GRIP1: variants seen among roughly 807,000 people sequenced by gnomAD.
GRIP1 encodes the protein glutamate receptor interacting protein 1.
In GRIP1, 45 loss-of-function variants were observed where a neutral mutation model predicts 129.9. The observed-to-expected ratio is 0.35, with a 90% confidence interval of 0.27 to 0.44. The LOEUF is 0.44. Ranked by LOEUF, GRIP1 falls within the 20% of genes least tolerant of loss-of-function variation. The pLI, the probability that GRIP1 is intolerant of heterozygous loss-of-function variation, is 1.00. For missense variants in GRIP1, 1,196 were observed against 1,396.8 expected (o/e 0.86, Z 2.29); for synonymous variants, 530 against 520.8 (o/e 1.02, Z -0.24).
intron 1 of GRIP1, among the ~76,000 whole-genome samples, chr12:66,841,791 T>A (rs1018261197): frequency 4.6e-5 from 7 of 152,184 alleles, no homozygotes. Context: ...CACGGGGGCA[T>A]CTTGGGGTAA....
chr12:66,358,339 A>G (rs2137131428), intron 23 of GRIP1, among the ~76,000 whole-genome samples: 1 of 152,294 alleles, frequency 6.6e-6, no homozygotes, highest in Non-Finnish European at 1.5e-5. Context: ...ACTTTCCGGC[A>G]CAAAATATGA....
chr12:66,565,604 C>T (rs2062724827), intron 2 of GRIP1, among the ~76,000 whole-genome samples: 1 of 152,138 alleles, frequency 6.6e-6, no homozygotes, highest in African/African-American at 2.4e-5. Context: ...CTTGGCAATG[C>T]AGGCTCTTTT....
intron 1 of GRIP1, among the ~76,000 whole-genome samples, chr12:66,656,528 C>A (rs78486239): frequency 0.069 from 10,441 of 152,184 alleles, 479 homozygotes; most frequent in Non-Finnish European, 0.097. Context: ...TTGTCTCTTA[C>A]CACGGATTAT....
chr12:67,013,993 G>A (rs967410400), intron 1 of GRIP1, among the ~76,000 whole-genome samples: 21 of 152,298 alleles, frequency 1.4e-4, no homozygotes, highest in Admixed American at 9.2e-4. Context: ...CTGACAAACT[G>A]TGCAAACTGG....
chr12:66,832,197 C>G (rs559150658), intron 1 of GRIP1, among the ~76,000 whole-genome samples: 10 of 152,296 alleles, frequency 6.6e-5, no homozygotes, highest in African/African-American at 1.9e-4. Flanking sequence ...AGCCTGGTCC[C>G]TTCTGAAATT....
intron 1 of GRIP1, among the ~76,000 whole-genome samples, chr12:67,009,351 C>A (rs906383608): frequency 1.3e-5 from 2 of 152,134 alleles, no homozygotes; most frequent in African/African-American, 4.8e-5. Flanking sequence ...GCTTATCTTT[C>A]GATTAACTTT....
At chr12:66,953,855 C>T (rs1046284966) in intron 1 of GRIP1, among the ~76,000 whole-genome samples, 10 of 151,926 alleles carry the variant, frequency 6.6e-5, no homozygotes, top group African/African-American at 2.4e-4. Context: ...CACACACAAT[C>T]GATAACCTAA....
chr12:66,923,467 C>G (rs1189131258), intron 1 of GRIP1, among the ~76,000 whole-genome samples: 1 of 152,162 alleles, frequency 6.6e-6, no homozygotes, highest in Non-Finnish European at 1.5e-5. Flanking sequence ...ATTCACTTTC[C>G]ACCATCACCT....
At chr12:67,046,349 G>A (rs1475376086) in intron 1 of GRIP1, among the ~76,000 whole-genome samples, 1 of 152,096 alleles carries the variant, frequency 6.6e-6, no homozygotes, top group East Asian at 1.9e-4. Flanking sequence ...TGAAAAAAAA[G>A]GATTCTGATA....
intron 19 of GRIP1, among the ~76,000 whole-genome samples, chr12:66,380,569 A>G (rs2056058788): frequency 1.3e-5 from 2 of 152,376 alleles, no homozygotes; most frequent in South Asian, 4.1e-4. Flanking sequence ...CACTTTCCAC[A>G]AAAGTATTTC....
chr12:66,593,865 G>A (rs142141445), intron 2 of GRIP1, among the ~76,000 whole-genome samples: 4,971 of 152,004 alleles, frequency 0.033, 124 homozygotes, highest in Middle Eastern at 0.051. Context: ...TCATGAGATG[G>A]AGACCATCCT....
At chr12:66,701,170 T>C (rs1285732674) in intron 1 of GRIP1, among the ~76,000 whole-genome samples, 1 of 152,146 alleles carries the variant, frequency 6.6e-6, no homozygotes, top group Non-Finnish European at 1.5e-5. Flanking sequence ...ATGGTCCTAC[T>C]CCTCTACTAC....
At chr12:66,394,596 C>T (rs754275691) in intron 16 of GRIP1, among the ~76,000 whole-genome samples, 9 of 152,190 alleles carry the variant, frequency 5.9e-5, no homozygotes, top group Non-Finnish European at 1.2e-4. Context: ...TGTGTGAGAT[C>T]CGCCCAGCTG....
intron 2 of GRIP1, among the ~76,000 whole-genome samples, chr12:66,593,786 C>T (rs1020999281): frequency 1.3e-5 from 2 of 151,956 alleles, no homozygotes; most frequent in Non-Finnish European, 2.9e-5. Flanking sequence ...ATTTCAGCCT[C>T]GGCTGGGCAC....
At chr12:66,825,544 C>T (rs981429509) in intron 1 of GRIP1, among the ~76,000 whole-genome samples, 10 of 152,152 alleles carry the variant, frequency 6.6e-5, no homozygotes, top group African/African-American at 1.9e-4. Flanking sequence ...TCTGAGACTT[C>T]AGGCAAGGCA....
intron 1 of GRIP1, among the ~76,000 whole-genome samples, chr12:66,880,049 G>A (rs1291781823): frequency 6.6e-6 from 1 of 152,110 alleles, no homozygotes; most frequent in African/African-American, 2.4e-5. Context: ...GCAGGGGCGA[G>A]AAGGAAATGA....
At chr12:66,955,301 G>A (rs945563360) in intron 1 of GRIP1, among the ~76,000 whole-genome samples, 10 of 152,106 alleles carry the variant, frequency 6.6e-5, no homozygotes, top group Admixed American at 3.3e-4. Context: ...TAACCAGTTC[G>A]TAGGCCCTGA....
intron 1 of GRIP1, among the ~76,000 whole-genome samples, chr12:66,954,820 T>C (rs1411580460): frequency 6.6e-6 from 1 of 151,998 alleles, no homozygotes; most frequent in Admixed American, 6.6e-5. Context: ...AAATATATAA[T>C]TTATTAGAAG....
At chr12:66,655,601 T>C (rs936292691) in intron 1 of GRIP1, among the ~76,000 whole-genome samples, 1 of 151,068 alleles carries the variant, frequency 6.6e-6, no homozygotes, top group African/African-American at 2.4e-5. Context: ...TGCAGTTTTT[T>C]TGTACTTTTT....
Sources: gnomAD v4.1 joint callset for allele counts (sites outside exome capture counted in the v4.1 genomes callset) on GRCh38, gnomAD v4.1.1 for gene constraint, MANE v1.5 for transcripts, NCBI Gene and HGNC (gene_info 2026-07-23, HGNC 2026-07-21) for gene names.